Variants in NEBL observed in about 807,000 individuals in gnomAD.
NEBL encodes the protein LIM and SH3 protein 2.
Under a neutral mutation model 140.2 loss-of-function variants are expected in NEBL, and 122 were observed. The ratio of observed to expected loss-of-function variants is 0.87; its 90% CI spans 0.75 to 1.01. NEBL has a LOEUF of 1.01. Ranked by LOEUF, NEBL falls within the 50% of genes least tolerant of loss-of-function variation. The pLI, the probability that NEBL is intolerant of heterozygous loss-of-function variation, is 0.00. For synonymous variants in NEBL, 436 were observed against 398.9 expected (o/e 1.09, Z -1.11); for missense variants, 1,365 against 1,231.3 (o/e 1.11, Z -1.62).
At chr10:20,801,239 G>A (rs929137612) in intron 26 of NEBL, among the ~76,000 whole-genome samples, 6 of 151,172 alleles carry the variant, frequency 4.0e-5, no homozygotes, top group Non-Finnish European at 7.4e-5. Context: ...TTGAGGCAGG[G>A]TCTTACTCTG....
At chr10:21,186,908 C>A (rs1589320808) in intron 3 of NEBL, among the ~76,000 whole-genome samples, 1 of 150,556 alleles carries the variant, frequency 6.6e-6, no homozygotes. Flanking sequence ...TAGGAATGTG[C>A]TTTTTTTCTG....
chr10:20,790,298 G>T (rs906695140), intron 26 of NEBL, among the ~76,000 whole-genome samples: 19 of 151,716 alleles, frequency 1.3e-4, no homozygotes, highest in Non-Finnish European at 2.8e-4. Flanking sequence ...GAGTTTTTAG[G>T]GAACTCCTAT....
intron 7 of NEBL, 45 bp from the exon 8 acceptor site, chr10:20,859,871 T>A (rs1843493079): frequency 2.2e-6 from 2 of 924,214 alleles, no homozygotes; most frequent in Non-Finnish European, 3.4e-6. Flanking sequence ...CATTTAAAAG[T>A]AACACATATG....
chr10:21,161,003 G>T (rs568270252), intron 2 of NEBL, among the ~76,000 whole-genome samples: 1 of 151,952 alleles, frequency 6.6e-6, no homozygotes, highest in African/African-American at 2.4e-5. Flanking sequence ...CATTATTCTT[G>T]TCATCATTTG....
At chr10:20,819,605 G>A (rs542750671) in intron 19 of NEBL, 89 bp from the exon 20 acceptor site, 4 of 1,443,772 alleles carry the variant, frequency 2.8e-6, no homozygotes, top group Admixed American at 3.4e-5. Context: ...ATGTCACATG[G>A]CTACAGAACA....
chr10:20,967,534 A>G (rs967450082), intron 3 of NEBL, among the ~76,000 whole-genome samples: 5 of 152,182 alleles, frequency 3.3e-5, no homozygotes, highest in African/African-American at 1.2e-4. Context: ...AGGCTGAGGC[A>G]GGAGAATCAC....
intron 4 of NEBL, among the ~76,000 whole-genome samples, chr10:20,906,505 A>C (rs2131447900): frequency 6.6e-6 from 1 of 152,336 alleles, no homozygotes; most frequent in African/African-American, 2.4e-5. Context: ...ATTAAAGTAA[A>C]TATATCATTA....
chr10:21,258,420 T>C (rs1842693522), intron 1 of NEBL, among the ~76,000 whole-genome samples: 1 of 152,046 alleles, frequency 6.6e-6, no homozygotes, highest in South Asian at 2.1e-4. Flanking sequence ...AATACAAAAA[T>C]TAGGCCAGGA....
At chr10:21,219,757 T>TACCTTTATC (rs1194907544) in intron 3 of NEBL, among the ~76,000 whole-genome samples, 1 of 152,180 alleles carries the variant, frequency 6.6e-6, no homozygotes, top group African/African-American at 2.4e-5. Flanking sequence ...TCTCTTCAAC[T>TACCTTTATC]ACCTTTATCA....
intron 13 of NEBL, among the ~76,000 whole-genome samples, chr10:20,840,342 T>C (rs572262188): frequency 3.0e-4 from 46 of 152,080 alleles, no homozygotes; most frequent in African/African-American, 1.1e-3. Context: ...CTGAATAAGG[T>C]TCAAACAGCA....
chr10:21,080,222 A>G (rs1836302310), intron 2 of NEBL, among the ~76,000 whole-genome samples: 1 of 152,254 alleles, frequency 6.6e-6, no homozygotes, highest in Admixed American at 6.5e-5. Flanking sequence ...ATACAACAAA[A>G]GCATGTCATC....
intron 2 of NEBL, among the ~76,000 whole-genome samples, chr10:21,067,124 C>T (rs918743362): frequency 9.2e-5 from 14 of 151,860 alleles, no homozygotes; most frequent in Non-Finnish European, 1.6e-4. Flanking sequence ...AGGCGCCCGC[C>T]ACCACGCCCG....
At position 20,918,776 on chromosome 10, in the gene NEBL, G is replaced by A. The variant is rs139320127; in HGVS notation, c.357+42896C>T. Among the ~76,000 whole-genome samples the A allele has an allele frequency of 5.7e-3, 861 of 151,302 alleles. 20 individuals carry two copies. Among genetic ancestry groups the A allele is most frequent in the East Asian group, 0.056 (284 of 5,050 alleles). On this transcript the variant is annotated intron_variant, in intron 4 of 6. Transcript: ENST00000417816. ...TGAGGCAGAAGAATGGTGTAAACCC[G>A]GGAGGTAGAGCTTGCAGTGAGCCGA...
chr10:21,090,561 C>T (rs1223520379), intron 2 of NEBL, among the ~76,000 whole-genome samples: 1 of 152,192 alleles, frequency 6.6e-6, no homozygotes, highest in East Asian at 1.9e-4. Flanking sequence ...TGTATTCCCT[C>T]CTTTGTTTTC....
intron 2 of NEBL, chr10:21,126,157 GCC>G: frequency 6.3e-7 from 1 of 1,584,792 alleles, no homozygotes; most frequent in South Asian, 1.1e-5. Context: ...CGTTCTTCAA[GCC>G]TGGTACCCCC....
intron 4 of NEBL, among the ~76,000 whole-genome samples, chr10:20,923,946 C>G (rs1317857696): frequency 1.3e-5 from 2 of 152,078 alleles, no homozygotes; most frequent in Non-Finnish European, 1.5e-5. Flanking sequence ...TAGCCCTTTT[C>G]TAATTCATCT....
intron 2 of NEBL, among the ~76,000 whole-genome samples, chr10:21,164,576 A>G (rs1343133586): frequency 3.3e-5 from 5 of 152,250 alleles, no homozygotes; most frequent in Non-Finnish European, 7.3e-5. Flanking sequence ...ACATCATTCC[A>G]TAATAAATAC....
rs149486641 is a variant in NEBL, at chr10:20,936,315, G to A, written c.357+25357C>T. Among the ~76,000 whole-genome samples the A allele has an allele frequency of 2.0e-4, 30 of 152,176 alleles. 1 individual carries two copies. In the East Asian group the frequency reaches 5.4e-3, roughly 27 times the overall value. On this transcript the variant is annotated intron_variant, in intron 4 of 6. Coordinates refer to the NEBL transcript ENST00000417816. The stretch of plus-strand genomic sequence containing the variant: ...ATCACTTTATTACTCTATTTCCTAC[G>A]GTAAAAGGGGCAATAAAAAAAAGAT...
chr10:20,941,204 C>A (rs1470209890), intron 4 of NEBL, among the ~76,000 whole-genome samples: 1 of 152,116 alleles, frequency 6.6e-6, no homozygotes, highest in Admixed American at 6.6e-5. Flanking sequence ...ACTGGCAAAC[C>A]AAATCCAGCA....
Sources: gnomAD v4.1 joint callset for allele counts (sites outside exome capture counted in the v4.1 genomes callset) on GRCh38, gnomAD v4.1.1 for gene constraint, MANE v1.5 for transcripts, NCBI Gene and HGNC (gene_info 2026-07-23, HGNC 2026-07-21) for gene names.